ZNF469: variants seen among roughly 807,000 people sequenced by gnomAD.
The protein encoded by ZNF469 is zinc finger protein 469.
A neutral mutation model predicts 1.0 loss-of-function variants in ZNF469; 1 was observed. That is an observed-to-expected ratio of 1.00 (90% CI 0.35 to 4.73). The LOEUF (loss-of-function observed/expected upper bound fraction) is 4.73, where lower values mean the gene tolerates loss of function less well. ZNF469 is among the 30% of genes most tolerant of loss of function. The probability of loss-of-function intolerance (pLI) is 0.16; values close to 1 mark genes in which losing one functional copy is unlikely to be tolerated. For missense variants in ZNF469, 6,100 were observed against 5,356.3 expected, an observed-to-expected ratio of 1.14 and a Z score of -4.33; for synonymous variants, 2,703 against 2,363.4, an observed-to-expected ratio of 1.14 and a Z score of -4.17.
chr16:88,307,297 G>T, the ZNF469 span, among the ~76,000 whole-genome samples: 1 of 152,214 alleles, frequency 6.6e-6, no homozygotes, highest in Non-Finnish European at 1.5e-5. Context: ...TGTGAATAAT[G>T]AACATTTGTG....
At chr16:88,408,209 A>G (rs1226857932) in intron 1 of ZNF469, among the ~76,000 whole-genome samples, 1 of 152,086 alleles carries the variant, frequency 6.6e-6, no homozygotes, top group Non-Finnish European at 1.5e-5. Context: ...CTGGAGTGCA[A>G]TGGCGTGATC....
chr16:88,269,803 C>A, the ZNF469 span, among the ~76,000 whole-genome samples: 1 of 152,302 alleles, frequency 6.6e-6, no homozygotes, highest in South Asian at 2.1e-4. Flanking sequence ...ACCTCAGTGG[C>A]TTCTGATGGC....
chr16:88,113,297 C>T, the ZNF469 span, among the ~76,000 whole-genome samples: 2 of 152,316 alleles, frequency 1.3e-5, no homozygotes, highest in Admixed American at 6.5e-5. Flanking sequence ...CTAGGGGTCT[C>T]GTTTCACTCT....
At chr16:88,344,404 T>G in the ZNF469 span, among the ~76,000 whole-genome samples, 1 of 152,238 alleles carries the variant, frequency 6.6e-6, no homozygotes, top group Admixed American at 6.5e-5. Context: ...CTCTCCATGC[T>G]GTCTTTGCAA....
At chr16:88,255,433 T>A in the ZNF469 span, among the ~76,000 whole-genome samples, 1 of 152,244 alleles carries the variant, frequency 6.6e-6, no homozygotes, top group African/African-American at 2.4e-5. Flanking sequence ...TAAACTTAAT[T>A]TTTAGAGCAA....
chr16:88,306,278 G>A, the ZNF469 span, among the ~76,000 whole-genome samples: 3 of 152,264 alleles, frequency 2.0e-5, no homozygotes, highest in Non-Finnish European at 4.4e-5. Context: ...CCCCTGCATG[G>A]CAGGTGCTGT....
chr16:88,267,918 C>T, the ZNF469 span, among the ~76,000 whole-genome samples: 2 of 152,116 alleles, frequency 1.3e-5, no homozygotes, highest in African/African-American at 4.8e-5. Flanking sequence ...CACCAGCTGG[C>T]TTTCCAAAGC....
the ZNF469 span, among the ~76,000 whole-genome samples, chr16:88,156,977 C>A: frequency 6.6e-6 from 1 of 152,240 alleles, no homozygotes; most frequent in Non-Finnish European, 1.5e-5. Context: ...TCCTTGGTAA[C>A]AAAGCCTCGA....
the ZNF469 span, among the ~76,000 whole-genome samples, chr16:88,187,863 A>C: frequency 6.6e-6 from 1 of 152,050 alleles, no homozygotes; most frequent in Non-Finnish European, 1.5e-5. Context: ...GTCTGAAATC[A>C]CATTGACTGC....
chr16:88,155,234 C>T, the ZNF469 span, among the ~76,000 whole-genome samples: 1 of 152,246 alleles, frequency 6.6e-6, no homozygotes, highest in Non-Finnish European at 1.5e-5. Flanking sequence ...GAGTTCAAGT[C>T]CTGCTTCTGC....
At chr16:88,388,471 C>T (rs941204231) in intron 1 of ZNF469, among the ~76,000 whole-genome samples, 2 of 152,256 alleles carry the variant, frequency 1.3e-5, no homozygotes, top group South Asian at 2.1e-4. Flanking sequence ...TTTCCGCATT[C>T]CTCCGGGGCT....
chr16:88,162,032 A>T, the ZNF469 span, among the ~76,000 whole-genome samples: 1 of 152,250 alleles, frequency 6.6e-6, no homozygotes, highest in Non-Finnish European at 1.5e-5. Context: ...AGAGTTTTGC[A>T]TGAAGATTTG....
chr16:88,386,873 TG>T (rs111913943), intron 1 of ZNF469, among the ~76,000 whole-genome samples: 13,819 of 152,112 alleles, frequency 0.091, 897 homozygotes, highest in African/African-American at 0.19. Context: ...GCTCAGGGCC[TG>T]TTTCTTTGGC....
At chr16:88,227,316 A>AGGAAGGAGGAT in the ZNF469 span, among the ~76,000 whole-genome samples, 2 of 152,016 alleles carry the variant, frequency 1.3e-5, no homozygotes, top group Non-Finnish European at 2.9e-5. Context: ...GGGAAGGGGG[A>AGGAAGGAGGAT]GGAAGGAGGA....
Position 88,430,050 on chromosome 16 carries a change from C to A in ZNF469, c.2580C>A (p.Ile860=), listed in dbSNP as rs1054988221. The A allele has an allele frequency of 7.7e-6, 12 of 1,550,274 alleles. No homozygotes were observed. Among genetic ancestry groups the A allele is most frequent in the Non-Finnish European group, 9.6e-6 (11 of 1,146,982 alleles). Residue 860 remains isoleucine, a synonymous_variant, in exon 3 of 3, where the codon ATC becomes ATA. Coordinates refer to ENST00000565624, the MANE Select transcript of ZNF469 (RefSeq NM_001367624.2). ...AGTACCAGTCGGACAACCCGGAGATCGACAGCAGCTTCATCGACGTCTTCG... is the reference window on the plus strand; with the variant it reads ...AGTACCAGTCGGACAACCCGGAGATAGACAGCAGCTTCATCGACGTCTTCG... ...GMEYQSDNPE[I]DSSFIDVFAD...
At chr16:88,313,825 T>A in the ZNF469 span, among the ~76,000 whole-genome samples, 5 of 151,332 alleles carry the variant, frequency 3.3e-5, no homozygotes, top group African/African-American at 1.2e-4. Context: ...ATTCAGGCAG[T>A]GCTGGTGTGG....
chr16:88,285,994 C>T, the ZNF469 span, among the ~76,000 whole-genome samples: 20 of 152,352 alleles, frequency 1.3e-4, no homozygotes, highest in South Asian at 4.1e-4. Context: ...ACCCACAGCC[C>T]GGAGCATCGC....
the ZNF469 span, among the ~76,000 whole-genome samples, chr16:88,290,777 C>T: frequency 1.3e-5 from 2 of 152,220 alleles, no homozygotes; most frequent in Admixed American, 6.5e-5. Context: ...GTCTGCTGAA[C>T]GAATGAGTGA....
chr16:88,324,640 T>C, the ZNF469 span, among the ~76,000 whole-genome samples: 1 of 152,192 alleles, frequency 6.6e-6, no homozygotes, highest in Non-Finnish European at 1.5e-5. Context: ...TGCGCCAGGG[T>C]GAGTGCATAA....
Sources: gnomAD v4.1 joint callset for allele counts (sites outside exome capture counted in the v4.1 genomes callset) on GRCh38, gnomAD v4.1.1 for gene constraint, MANE v1.5 for transcripts, NCBI Gene and HGNC (gene_info 2026-07-23, HGNC 2026-07-21) for gene names.